SLC35F1: variants seen among roughly 807,000 people sequenced by gnomAD.
SLC35F1 encodes the protein chromosome 6 open reading frame 169.
In SLC35F1, 14 loss-of-function variants were observed where a neutral mutation model predicts 48.7. The observed-to-expected ratio is 0.29, with a 90% CI of 0.19 to 0.45. SLC35F1 has a LOEUF of 0.45. Among genes scored for constraint, SLC35F1 ranks in the 20% least tolerant of loss-of-function variants. SLC35F1 has a pLI of 1.00. For synonymous variants in SLC35F1, 190 were observed against 202.2 expected (o/e 0.94, Z 0.51); for missense variants, 404 against 500.0 (o/e 0.81, Z 1.83).
chr6:118,187,746 A>T (rs1009889267), intron 2 of SLC35F1, among the ~76,000 whole-genome samples: 2 of 152,214 alleles, frequency 1.3e-5, no homozygotes, highest in African/African-American at 4.8e-5. Context: ...AATTCTCTTG[A>T]CTGTGAGAGT....
chr6:118,244,302 G>T (rs1198820498), intron 3 of SLC35F1, among the ~76,000 whole-genome samples: 1 of 152,266 alleles, frequency 6.6e-6, no homozygotes, highest in Admixed American at 6.5e-5. Context: ...AAGAATTCAA[G>T]GGCAAGCCAG....
intron 1 of SLC35F1, among the ~76,000 whole-genome samples, chr6:118,031,127 A>G (rs902381495): frequency 2.0e-5 from 3 of 152,196 alleles, no homozygotes; most frequent in African/African-American, 7.2e-5. Context: ...TTTTTTAATC[A>G]GATGAAATGA....
chr6:117,917,017 A>G (rs990247320), intron 1 of SLC35F1, among the ~76,000 whole-genome samples: 3 of 152,242 alleles, frequency 2.0e-5, no homozygotes, highest in African/African-American at 7.2e-5. Flanking sequence ...GGTATCCAAC[A>G]GTGGCAAATA....
At chr6:118,048,371 T>C (rs1380050915) in intron 1 of SLC35F1, among the ~76,000 whole-genome samples, 1 of 152,104 alleles carries the variant, frequency 6.6e-6, no homozygotes, top group Admixed American at 6.6e-5. Context: ...TGCCAGGCTT[T>C]GGTATCAGGA....
intron 1 of SLC35F1, among the ~76,000 whole-genome samples, chr6:118,071,696 A>G (rs1357501629): frequency 6.6e-6 from 1 of 152,186 alleles, no homozygotes; most frequent in East Asian, 1.9e-4. Flanking sequence ...TTTTGGCTCT[A>G]CACTGTATTA....
chr6:117,947,230 C>G (rs1215279408), intron 1 of SLC35F1, among the ~76,000 whole-genome samples: 3 of 152,056 alleles, frequency 2.0e-5, no homozygotes, highest in Non-Finnish European at 4.4e-5. Flanking sequence ...GCTTCCCAGA[C>G]AGAAGGAACC....
At chr6:118,196,749 A>C (rs1201776814) in intron 2 of SLC35F1, among the ~76,000 whole-genome samples, 1 of 152,116 alleles carries the variant, frequency 6.6e-6, no homozygotes, top group Non-Finnish European at 1.5e-5. Context: ...ATAAATAAAT[A>C]AATAAATCAT....
At chr6:117,909,128 A>G (rs1030334810) in intron 1 of SLC35F1, among the ~76,000 whole-genome samples, 1 of 152,190 alleles carries the variant, frequency 6.6e-6, no homozygotes. Flanking sequence ...TTATTATCAA[A>G]CAGAAAGAAA....
intron 3 of SLC35F1, among the ~76,000 whole-genome samples, chr6:118,245,331 C>T (rs1775493330): frequency 1.3e-5 from 2 of 152,226 alleles, no homozygotes; most frequent in African/African-American, 2.4e-5. Flanking sequence ...AAATGCTCAG[C>T]CTCTCAGACA....
intron 2 of SLC35F1, among the ~76,000 whole-genome samples, chr6:118,206,991 C>T (rs185430570): frequency 3.0e-4 from 46 of 152,282 alleles, no homozygotes; most frequent in African/African-American, 1.1e-3. Context: ...TTAACAAATT[C>T]TGACATGTGC....
intron 3 of SLC35F1, among the ~76,000 whole-genome samples, chr6:118,238,319 C>T (rs1300711171): frequency 6.6e-6 from 1 of 151,998 alleles, no homozygotes; most frequent in Non-Finnish European, 1.5e-5. Flanking sequence ...CAGTTGTGCA[C>T]CTCTGTAGTC....
rs1030022120 is a variant in SLC35F1, at chr6:118,235,572, T to C, written c.413T>C (p.Ile138Thr). 5.6e-6 allele frequency: 9 copies of C among 1,613,532 alleles called. No individual in the cohort carries two copies. Among genetic ancestry groups the C allele is most frequent in the East Asian group, 2.2e-5 (1 of 44,818 alleles). The part of the protein sequence containing the change: ...RWWKYMILGL[I>T]DLEANYLVVK... ...TGGAAGTACATGATTTTGGGACTCATAGACCTGGAAGCAAATTATCTGGTG... is the reference window on the plus strand; with the variant it reads ...TGGAAGTACATGATTTTGGGACTCACAGACCTGGAAGCAAATTATCTGGTG... The change falls in exon 3 of 8, where the codon ATA (isoleucine) becomes ACA (threonine). Residue 138 changes from isoleucine (I) to threonine (T), a missense_variant. Physicochemically the swap from Ile to Thr is moderately conservative, Grantham distance 89. This residue lies in a region of SLC35F1 where 306 missense variants were observed against 419.1 expected (regional missense o/e 0.73). Transcript: ENST00000360388.
intron 1 of SLC35F1, among the ~76,000 whole-genome samples, chr6:117,948,512 T>G (rs1479089774): frequency 2.6e-5 from 4 of 152,182 alleles, no homozygotes; most frequent in Non-Finnish European, 5.9e-5. Flanking sequence ...GTGGAGGGTC[T>G]AGACTTGTCA....
Position 118,268,800 on chromosome 6 carries a change from G to A in SLC35F1, c.637+1646G>A, listed in dbSNP as rs185812234. Reference sequence around the variant, plus strand: ...AATTTTTGTATTTTTAGTAGAAACGGGGTTTCATCACATTGACCAGGCTAG... The same window carrying A: ...AATTTTTGTATTTTTAGTAGAAACGAGGTTTCATCACATTGACCAGGCTAG... On this transcript the variant is annotated intron_variant, in intron 4 of 7. Coordinates refer to ENST00000360388, the MANE Select transcript of SLC35F1 (RefSeq NM_001029858.4). Among the ~76,000 whole-genome samples, 763 of 151,642 alleles carry A rather than the reference G, an allele frequency of 5.0e-3. 8 individuals are homozygous for A. The highest frequency in any genetic ancestry group is 0.018 in the African/African-American group (729 of 41,360).
intron 2 of SLC35F1, among the ~76,000 whole-genome samples, chr6:118,227,022 G>A (rs763930435): frequency 3.9e-5 from 6 of 152,086 alleles, no homozygotes; most frequent in Non-Finnish European, 8.8e-5. Flanking sequence ...GCTCAACATT[G>A]TGCACACCAT....
At chr6:118,240,572 G>A (rs1364610761) in intron 3 of SLC35F1, among the ~76,000 whole-genome samples, 1 of 152,140 alleles carries the variant, frequency 6.6e-6, no homozygotes, top group Non-Finnish European at 1.5e-5. Context: ...CAGTCAAGTG[G>A]GAAAGGCAGC....
At chr6:118,063,021 A>G (rs1404115992) in intron 1 of SLC35F1, among the ~76,000 whole-genome samples, 1 of 152,112 alleles carries the variant, frequency 6.6e-6, no homozygotes, top group Non-Finnish European at 1.5e-5. Flanking sequence ...TCACATTTAT[A>G]TTATCGGGGA....
chr6:117,910,749 G>T (rs1012090083), intron 1 of SLC35F1, among the ~76,000 whole-genome samples: 21 of 152,144 alleles, frequency 1.4e-4, no homozygotes, highest in African/African-American at 5.1e-4. Flanking sequence ...GTGGTGCAAT[G>T]GGACGAGAAA....
At chr6:117,958,888 T>C (rs180761715) in intron 1 of SLC35F1, among the ~76,000 whole-genome samples, 2 of 152,346 alleles carry the variant, frequency 1.3e-5, no homozygotes, top group Admixed American at 1.3e-4. Context: ...AGTGAAAGAC[T>C]ATAGTAAAAT....
Sources: allele counts gnomAD v4.1 joint callset (sites outside exome capture counted in the v4.1 genomes callset), GRCh38; gene constraint gnomAD v4.1.1; regional missense constraint gnomAD v4.1.1; transcripts MANE v1.5; gene names NCBI Gene and HGNC (gene_info 2026-07-23, HGNC 2026-07-21).